The following ZNF205 variants were observed in gnomAD, a reference collection of about 807,000 sequenced individuals.
ZNF205 encodes the protein zinc finger protein 205.
A neutral mutation model predicts 53.6 loss-of-function variants in ZNF205; 32 were observed. The observed-to-expected ratio is 0.60, with a 90% CI of 0.45 to 0.80. The LOEUF (loss-of-function observed/expected upper bound fraction) is 0.80, where lower values mean the gene tolerates loss of function less well. Ranked by LOEUF, ZNF205 falls within the 30% of genes least tolerant of loss-of-function variation. The pLI, the probability that ZNF205 is intolerant of heterozygous loss-of-function variation, is 0.00. For synonymous variants in ZNF205, 382 were observed against 334.3 expected, an observed-to-expected ratio of 1.14 and a Z score of -1.56; for missense variants, 836 against 782.4, an observed-to-expected ratio of 1.07 and a Z score of -0.82.
Position 3,115,911 on chromosome 16 carries a change from C to G in ZNF205, c.354C>G (p.Ala118=). 1.2e-6 allele frequency: 2 copies of G among 1,613,674 alleles called. No individual in the cohort carries two copies. The highest frequency in any genetic ancestry group is 1.7e-6 in the Non-Finnish European group (2 of 1,179,864). Residue 118 remains alanine, a synonymous_variant, in exon 4 of 7, where the codon GCC becomes GCG. Transcript: ENST00000219091. ...DRQMAAALLT[A]WSQMPVTFED... Reference sequence around the variant, plus strand: ...AGATGGCTGCAGCGCTCCTCACTGCCTGGTCCCAGGTGAGTGGCCCTTCCC... The same window carrying G: ...AGATGGCTGCAGCGCTCCTCACTGCGTGGTCCCAGGTGAGTGGCCCTTCCC...
In ZNF205 at chr16:3,120,305, C is replaced by T. The variant is rs755655288; in HGVS notation, c.1645C>T (p.Pro549Ser). 1.9e-6 allele frequency: 3 copies of T among 1,567,952 alleles called. No individual in the cohort carries two copies. In the African/African-American group the frequency reaches 4.1e-5, roughly 21 times the overall value. ...GAAAAGALAT[P>S]PPAPT ...GGCGGCGGCGGGGGCTCTGGCCACA[C>T]CCCCACCCGCTCCCACCTAGGAGGC... The change falls in exon 7 of 7, where the codon CCC becomes TCC. Residue 549 changes from proline (P) to serine (S), a missense_variant. Transcript: ENST00000219091.
chr16:3,113,713 C>G (rs1003685684), intron 2 of ZNF205, among the ~76,000 whole-genome samples: 3 of 152,174 alleles, frequency 2.0e-5, no homozygotes, highest in Non-Finnish European at 4.4e-5. Context: ...TGGAAGAGGT[C>G]TGGGTGGAGG....
rs773412496 is a variant in ZNF205, at chr16:3,119,591, G to C, written c.931G>C (p.Glu311Gln). ...GGTGGGCAGGAAGAGCTACCGGTGC[G>C]AGCAGTGCGGCAAGGGCTTCAGCTG... ...SEVGRKSYRC[E>Q]QCGKGFSWHS... The change falls in exon 7 of 7, where the codon GAG becomes CAG. Residue 311 changes from glutamate to glutamine, a missense_variant. Coordinates refer to ENST00000219091, the MANE Select transcript of ZNF205 (RefSeq NM_001042428.2). The C allele has an allele frequency of 3.7e-6, 6 of 1,609,356 alleles. No individual in the cohort carries two copies. The South Asian group carries it at 5.5e-5, about 15-fold the overall frequency.
rs1395299322 is a variant in ZNF205 at position 3,120,004 on chromosome 16, T to A, written c.1344T>A (p.Tyr448Ter). ...GCACCCACACTGGGGTCAAGCCCTA[T>A]CCGTGCCCCGAGTGCGGCAAGTGCT... ...HQRTHTGVKP[Y>*]PCPECGKCFS... Residue 448 changes from tyrosine to a stop codon, truncating the protein, a stop_gained, in exon 7 of 7, where the codon TAT becomes TAA. Coordinates refer to ENST00000219091, the MANE Select transcript of ZNF205 (RefSeq NM_001042428.2). LOFTEE classifies it high-confidence loss of function. 2.5e-6 allele frequency: 4 copies of A among 1,611,232 alleles called. No homozygotes were observed. In the African/African-American group the frequency reaches 4.1e-5, roughly 16 times the overall value.
At position 3,112,616 on chromosome 16, in the gene ZNF205, TGTG is replaced by T. The variant is rs1169592229; in HGVS notation, c.-79_-77del. The stretch of plus-strand genomic sequence containing the variant: ...ACTCCCCCGCCCGCCCCGTGCAGGC[TGTG>T]GAGACTCCCTTCCCGGGGGAGGGGG... On this transcript the variant is annotated 5_prime_UTR_variant, in exon 1 of 7. Transcript: ENST00000219091. The T allele has an allele frequency of 3.1e-6, 1 of 322,102 alleles. No homozygotes were observed. The highest frequency in any genetic ancestry group is 2.2e-5 in the African/African-American group (1 of 46,004). The allele number at this position is 322,102 out of a possible 1,614,324, so 20.0% of individuals were successfully genotyped here.
At chr16:3,118,824 C>T (rs1373011418) in intron 5 of ZNF205, 81 bp from the exon 6 acceptor site, 1 of 1,422,724 alleles carries the variant, frequency 7.0e-7, no homozygotes, top group Non-Finnish European at 9.6e-7. Flanking sequence ...CCTACTTGGG[C>T]CCATCAGTTT....
chr16:3,115,600 C>T (rs756210837), intron 3 of ZNF205, 32 bp downstream of exon 3: 1 of 1,552,046 alleles, frequency 6.4e-7, no homozygotes, highest in Admixed American at 2.2e-5. Flanking sequence ...GGCGCTTTCC[C>T]AGGGAGGCAG....
Position 3,120,289 on chromosome 16 carries a change from G to T in ZNF205, c.1629G>T (p.Ala543=). 6.3e-7 allele frequency: 1 copy of T among 1,587,130 alleles called. No homozygotes were observed. Among genetic ancestry groups the T allele is most frequent in the Admixed American group, 1.7e-5 (1 of 58,512 alleles). The change falls in exon 7 of 7, where the codon GCG becomes GCT. Residue 543 remains alanine (A), a synonymous_variant. Coordinates refer to ENST00000219091, the MANE Select transcript of ZNF205 (RefSeq NM_001042428.2). The part of the protein sequence containing the change: ...LAMLMLGAAA[A]GALATPPPAP... ...TGCTGATGCTGGGGGCGGCGGCGGC[G>T]GGGGCTCTGGCCACACCCCCACCCG...
chr16:3,115,706 G>T, intron 3 of ZNF205, 123 bp from the exon 4 acceptor site: 1 of 1,383,402 alleles, frequency 7.2e-7, no homozygotes, highest in Non-Finnish European at 9.8e-7. Flanking sequence ...CAGCCCCCTG[G>T]CAGCGTCAGA....
Position 3,119,650 on chromosome 16 carries a change from C to G in ZNF205, c.990C>G (p.His330Gln). 1 of 1,612,748 alleles carries G rather than the reference C, an allele frequency of 6.2e-7. No individual in the cohort carries two copies. The highest frequency in any genetic ancestry group is 8.5e-7 in the Non-Finnish European group (1 of 1,179,642). ...ACCTGGTGACGCACCGGCGCACGCA[C>G]ACGGGCGAGAAGCCCTACGCCTGCA... is the stretch of plus-strand genomic sequence containing the variant. ...HSHLVTHRRT[H>Q]TGEKPYACTD... Residue 330 changes from histidine (H) to glutamine (Q), a missense_variant, in exon 7 of 7, where the codon CAC becomes CAG. Transcript: ENST00000219091.
chr16:3,115,543 G>C lies in ZNF205; in HGVS notation c.246G>C (p.Glu82Asp), dbSNP rs1957332232. The C allele has an allele frequency of 6.3e-7, 1 of 1,595,252 alleles. No homozygotes were observed. The highest frequency in any genetic ancestry group is 8.5e-7 in the Non-Finnish European group (1 of 1,173,688). The stretch of plus-strand genomic sequence containing the variant: ...CACCCCTAAGTCACGGCTCTAAGGA[G>C]AAAGCTCTCTTCCTGCCTGGCGGAG... ...GWAPLSHGSK[E>D]KALFLPGGAL... The change falls in exon 3 of 7, where the codon GAG (glutamate) becomes GAC (aspartate). Residue 82 changes from glutamate (E) to aspartate (D), a missense_variant. Physicochemically the swap from Glu to Asp is conservative, Grantham distance 45. Coordinates refer to ENST00000219091, the MANE Select transcript of ZNF205 (RefSeq NM_001042428.2).
In ZNF205 at chr16:3,120,182, T is replaced by C. The variant is rs2151233232; in HGVS notation, c.1522T>C (p.Leu508=). The C allele has an allele frequency of 6.2e-7, 1 of 1,606,474 alleles. No individual in the cohort carries two copies. The highest frequency in any genetic ancestry group is 8.5e-7 in the Non-Finnish European group (1 of 1,175,426). The change falls in exon 7 of 7, where the codon TTG becomes CTG. Residue 508 remains leucine, a synonymous_variant. Transcript: ENST00000219091. ...HRGVRPYACP[L]CGKSFSRRSN... is the part of the protein sequence containing the mutation. ...TGGCGTGCGGCCCTACGCCTGCCCG[T>C]TGTGCGGCAAGAGCTTCAGCCGGCG...
chr16:3,117,139 G>A (rs1596298505), intron 5 of ZNF205, among the ~76,000 whole-genome samples: 2 of 152,164 alleles, frequency 1.3e-5, no homozygotes, highest in African/African-American at 4.8e-5. Flanking sequence ...TTAAATAGCC[G>A]CATATGGCTA....
Position 3,115,522 on chromosome 16 carries a change from C to T in ZNF205, c.225C>T (p.Pro75=). ...DGAQGAWGWA[P]LSHGSKEKAL... ...CTCAAGGTGCCTGGGGCTGGGCACC[C>T]CTAAGTCACGGCTCTAAGGAGAAAG... Residue 75 remains proline, a synonymous_variant, in exon 3 of 7, where the codon CCC becomes CCT. Transcript: ENST00000219091. 1 of 1,601,846 alleles carries T rather than the reference C, an allele frequency of 6.2e-7. No homozygotes were observed. Among genetic ancestry groups the T allele is most frequent in the Admixed American group, 1.8e-5 (1 of 56,836 alleles).
chr16:3,119,716 C>T lies in ZNF205; in HGVS notation c.1056C>T (p.Ile352=), dbSNP rs1349886927. ...GKRFGRSSHL[I]QHQIIHTGEK... is the part of the protein sequence containing the mutation. ...GCTTCGGCCGCAGCTCGCACCTCAT[C>T]CAGCACCAGATCATCCACACGGGCG... Residue 352 remains isoleucine, a synonymous_variant, in exon 7 of 7, where the codon ATC becomes ATT. Coordinates refer to ENST00000219091, the MANE Select transcript of ZNF205 (RefSeq NM_001042428.2). 2 of 1,613,346 alleles carry T rather than the reference C, an allele frequency of 1.2e-6. No homozygotes were observed. Among genetic ancestry groups the T allele is most frequent in the East Asian group, 2.2e-5 (1 of 44,856 alleles).
In ZNF205 at chr16:3,113,416, G is replaced by C; in HGVS notation, c.-14-1G>C. ...AGAAACAACTCAGCTGTTCTTTCTA[G>C]CTCTGAAATAGAAAATGTCTGCAGA... On this transcript the variant is annotated splice_acceptor_variant, in intron 1 of 6. Coordinates refer to ENST00000219091, the MANE Select transcript of ZNF205 (RefSeq NM_001042428.2). LOFTEE classifies it low-confidence loss of function (5UTR_SPLICE). The C allele has an allele frequency of 1.2e-6, 2 of 1,612,782 alleles. No homozygotes were observed. The highest frequency in any genetic ancestry group is 1.1e-5 in the South Asian group (1 of 90,794).
intron 6 of ZNF205, 102 bp from the exon 7 acceptor site, chr16:3,119,154 G>T (rs1227345184): frequency 2.0e-6 from 3 of 1,504,582 alleles, no homozygotes; most frequent in Non-Finnish European, 2.7e-6. Context: ...TGCGCTTTCT[G>T]GTCTCTGAGA....
At chr16:3,113,588 C>G (rs2151225919) in intron 2 of ZNF205, 101 bp downstream of exon 2, 1 of 1,332,262 alleles carries the variant, frequency 7.5e-7, no homozygotes, top group South Asian at 1.3e-5. Context: ...GTTAGACTCA[C>G]TGGGGTGGGG....
At chr16:3,113,001 T>C (rs954401781) in intron 1 of ZNF205, 1 of 216,860 alleles carries the variant, frequency 4.6e-6, no homozygotes, top group Non-Finnish European at 9.2e-6. Flanking sequence ...AGGTCCTGGA[T>C]TACCCTGGCC....
Sources: allele counts gnomAD v4.1 joint callset (sites outside exome capture counted in the v4.1 genomes callset), GRCh38; gene constraint gnomAD v4.1.1; transcripts MANE v1.5; gene names NCBI Gene and HGNC (gene_info 2026-07-23, HGNC 2026-07-21).